The following MFHAS1 variants were observed in gnomAD, a reference collection of about 807,000 sequenced individuals.
The protein encoded by MFHAS1 is malignant fibrous histiocytoma-amplified sequence 1.
MFHAS1 carries 50 observed loss-of-function variants against 70.4 expected under a neutral mutation model. The ratio of observed to expected loss-of-function variants is 0.71; its 90% CI spans 0.57 to 0.90. The LOEUF (loss-of-function observed/expected upper bound fraction) is 0.90. MFHAS1 is among the 40% of genes least tolerant of loss of function. The pLI is 0.00. For missense variants in MFHAS1, 1,795 were observed against 1,347.6 expected, an observed-to-expected ratio of 1.33 and a Z score of -5.20; for synonymous variants, 952 against 620.0, an observed-to-expected ratio of 1.54 and a Z score of -7.96.
intron 1 of MFHAS1, among the ~76,000 whole-genome samples, chr8:8,867,088 A>C (rs774186976): frequency 5.9e-5 from 9 of 152,226 alleles, no homozygotes; most frequent in Non-Finnish European, 1.3e-4. Context: ...ATATATTAAC[A>C]AAATTTCTGA....
At chr8:8,840,751 C>A (rs1203917897) in intron 1 of MFHAS1, among the ~76,000 whole-genome samples, 1 of 152,220 alleles carries the variant, frequency 6.6e-6, no homozygotes, top group Non-Finnish European at 1.5e-5. Context: ...TCACACCTCA[C>A]TACACTTCTA....
chr8:8,858,845 A>T (rs1238833379), intron 1 of MFHAS1, among the ~76,000 whole-genome samples: 1 of 152,202 alleles, frequency 6.6e-6, no homozygotes, highest in Non-Finnish European at 1.5e-5. Context: ...AATAGAAATA[A>T]ACAAAGTGAA....
At chr8:8,871,174 C>A (rs772557397) in intron 1 of MFHAS1, among the ~76,000 whole-genome samples, 1 of 152,126 alleles carries the variant, frequency 6.6e-6, no homozygotes, top group African/African-American at 2.4e-5. Flanking sequence ...ATGACTTAGC[C>A]CTCCTCTGTC....
intron 1 of MFHAS1, among the ~76,000 whole-genome samples, chr8:8,819,454 A>T (rs1806864681): frequency 2.0e-5 from 3 of 152,028 alleles, no homozygotes; most frequent in South Asian, 4.2e-4. Flanking sequence ...AAACACAAAA[A>T]ATTAGCCGGG....
At chr8:8,798,313 C>A (rs781544440) in intron 1 of MFHAS1, among the ~76,000 whole-genome samples, 1 of 152,146 alleles carries the variant, frequency 6.6e-6, no homozygotes, top group Admixed American at 6.6e-5. Flanking sequence ...CCTACTTAAA[C>A]CTAGGAACTA....
intron 1 of MFHAS1, among the ~76,000 whole-genome samples, chr8:8,833,408 C>G (rs992084869): frequency 6.6e-6 from 1 of 152,056 alleles, no homozygotes; most frequent in South Asian, 2.1e-4. Flanking sequence ...GTGGGAGGAT[C>G]GCTTGAGGCC....
chr8:8,796,696 A>AAAAAAAAAAGTC (rs1156579459), intron 2 of MFHAS1, among the ~76,000 whole-genome samples: 1 of 97,408 alleles, frequency 1.0e-5, no homozygotes, highest in Non-Finnish European at 2.3e-5. Flanking sequence ...AACAAAAAAA[A>AAAAAAAAAAGTC]AAAAAAAGGC....
chr8:8,837,978 A>G (rs979610703), intron 1 of MFHAS1, among the ~76,000 whole-genome samples: 5 of 152,206 alleles, frequency 3.3e-5, no homozygotes, highest in African/African-American at 1.2e-4. Flanking sequence ...AGACTTGTAC[A>G]TGCATGTTCA....
At chr8:8,880,677 CTTTTTTG>C (rs1563218201) in intron 1 of MFHAS1, among the ~76,000 whole-genome samples, 86 of 142,912 alleles carry the variant, frequency 6.0e-4, no homozygotes, top group African/African-American at 2.2e-3. Flanking sequence ...ACATCCCTTC[CTTTTTTG>C]TTTTTTTTTT....
intron 1 of MFHAS1, among the ~76,000 whole-genome samples, chr8:8,802,847 G>C (rs1368967432): frequency 6.6e-6 from 1 of 152,194 alleles, no homozygotes; most frequent in Non-Finnish European, 1.5e-5. Flanking sequence ...TGTGGTCCCT[G>C]GAAGGCCACC....
At chr8:8,790,248 A>T in intron 2 of MFHAS1, 1 of 348,062 alleles carries the variant, frequency 2.9e-6, no homozygotes, top group Non-Finnish European at 4.0e-6. Flanking sequence ...ACACCCCCAT[A>T]TCCCCCCTAA....
intron 2 of MFHAS1, among the ~76,000 whole-genome samples, chr8:8,791,656 T>C (rs1479982919): frequency 6.6e-6 from 1 of 152,138 alleles, no homozygotes; most frequent in Non-Finnish European, 1.5e-5. Context: ...AGACAGGAAT[T>C]CACAAATAAA....
At chr8:8,830,400 G>A (rs575955026) in intron 1 of MFHAS1, among the ~76,000 whole-genome samples, 2 of 152,238 alleles carry the variant, frequency 1.3e-5, no homozygotes, top group East Asian at 3.9e-4. Context: ...TTTTTGTTCA[G>A]CTATTTTAAA....
chr8:8,873,605 G>A (rs1042193278), intron 1 of MFHAS1, among the ~76,000 whole-genome samples: 13 of 151,876 alleles, frequency 8.6e-5, no homozygotes, highest in Non-Finnish European at 1.9e-4. Flanking sequence ...CACTTGGTAT[G>A]AGGATAAAAC....
chr8:8,807,921 A>G (rs548094999), intron 1 of MFHAS1, among the ~76,000 whole-genome samples: 2 of 152,374 alleles, frequency 1.3e-5, no homozygotes, highest in South Asian at 4.1e-4. Flanking sequence ...GTCCCCCATC[A>G]TCTGTGGTTT....
intron 1 of MFHAS1, among the ~76,000 whole-genome samples, chr8:8,857,217 A>G (rs1432298079): frequency 6.6e-6 from 1 of 152,196 alleles, no homozygotes; most frequent in Non-Finnish European, 1.5e-5. Context: ...TGAGACATCA[A>G]TAAATTCCGC....
chr8:8,799,064 A>G (rs1044535079), intron 1 of MFHAS1, among the ~76,000 whole-genome samples: 2 of 151,936 alleles, frequency 1.3e-5, no homozygotes, highest in Non-Finnish European at 2.9e-5. Context: ...AACAAAAAAA[A>G]AAAAAGAAAA....
At chr8:8,834,238 G>A (rs1331287396) in intron 1 of MFHAS1, among the ~76,000 whole-genome samples, 4 of 152,194 alleles carry the variant, frequency 2.6e-5, no homozygotes, top group African/African-American at 9.7e-5. Context: ...AGATTATAAT[G>A]GAGTGGAAAA....
At chr8:8,804,494 G>C (rs1806215945) in intron 1 of MFHAS1, among the ~76,000 whole-genome samples, 1 of 152,244 alleles carries the variant, frequency 6.6e-6, no homozygotes, top group Non-Finnish European at 1.5e-5. Context: ...AGCAGTCACA[G>C]AGTACAATCG....
Sources: allele counts gnomAD v4.1 joint callset (sites outside exome capture counted in the v4.1 genomes callset), GRCh38; gene constraint gnomAD v4.1.1; transcripts MANE v1.5; gene names NCBI Gene and HGNC (gene_info 2026-07-23, HGNC 2026-07-21).